DMD: variants seen among roughly 807,000 people sequenced by gnomAD.
The protein encoded by DMD is dystrophin.
In DMD, 63 loss-of-function variants were observed where a neutral mutation model predicts 330.1. The observed-to-expected ratio is 0.19, with a 90% CI of 0.16 to 0.24. DMD has a LOEUF of 0.24. Ranked by LOEUF, DMD falls within the 10% of genes least tolerant of loss-of-function variation. The pLI is 1.00. For missense variants in DMD, 3,344 were observed against 2,684.1 expected (o/e 1.25, Z -5.43); for synonymous variants, 1,223 against 959.8 (o/e 1.27, Z -5.07).
intron 44 of DMD, among the ~76,000 whole-genome samples, chrX:32,029,220 G>C (rs186869750): frequency 1.5e-3 from 167 of 111,530 alleles, no homozygotes; most frequent in African/African-American, 5.0e-3. Context: ...CCAATCTAGA[G>C]ATTTTTATAA....
At chrX:31,899,997 A>G (rs1057360416) in intron 47 of DMD, among the ~76,000 whole-genome samples, 1 of 111,347 alleles carries the variant, frequency 9.0e-6, no homozygotes, top group Admixed American at 9.6e-5. Context: ...AGATTTACTA[A>G]GTCTAAAACT....
chrX:31,446,267 C>A (rs182702219), intron 59 of DMD, among the ~76,000 whole-genome samples: 99 of 111,878 alleles, frequency 8.8e-4, no homozygotes, highest in African/African-American at 3.1e-3. Flanking sequence ...AAAAAGTGGT[C>A]ATTAAAAACA....
At chrX:31,303,550 T>G (rs776327009) in intron 62 of DMD, among the ~76,000 whole-genome samples, 2 of 111,497 alleles carry the variant, frequency 1.8e-5, no homozygotes, top group Admixed American at 9.6e-5. Flanking sequence ...ATCTTAAGGA[T>G]TTTTACCTCC....
intron 47 of DMD, 87 bp from the exon 48 acceptor site, chrX:31,875,460 T>C: frequency 1.4e-6 from 1 of 735,478 alleles, no homozygotes; most frequent in South Asian, 2.5e-5. Context: ...AAGTTATTTA[T>C]CATGAAATAT....
intron 55 of DMD, among the ~76,000 whole-genome samples, chrX:31,570,068 G>T (rs943327962): frequency 1.8e-5 from 2 of 110,933 alleles, no homozygotes; most frequent in East Asian, 2.8e-4. Flanking sequence ...TCTGTTTCAG[G>T]ATCCAATCCA....
intron 55 of DMD, among the ~76,000 whole-genome samples, chrX:31,557,640 G>A (rs1351682394): frequency 2.7e-5 from 3 of 111,925 alleles, no homozygotes; most frequent in Non-Finnish European, 3.8e-5. Flanking sequence ...CTTATTGAAT[G>A]AACCAACAAA....
chrX:31,577,065 T>C (rs1233563090), intron 55 of DMD, among the ~76,000 whole-genome samples: 1 of 112,365 alleles, frequency 8.9e-6, no homozygotes, highest in African/African-American at 3.2e-5. Flanking sequence ...GTTCCTATGC[T>C]AGAAGTCACT....
intron 1 of DMD, among the ~76,000 whole-genome samples, chrX:33,105,791 A>G (rs2095281464): frequency 8.9e-6 from 1 of 111,931 alleles, no homozygotes; most frequent in South Asian, 3.7e-4. Context: ...TGGCATGGAC[A>G]AGATAAAAAG....
chrX:32,519,367 G>C (rs1459554869), intron 17 of DMD, among the ~76,000 whole-genome samples: 1 of 109,517 alleles, frequency 9.1e-6, no homozygotes, highest in Non-Finnish European at 1.9e-5. Context: ...TTGGCAAAAG[G>C]ATACAAAATT....
chrX:31,988,761 G>A (rs185729165), intron 44 of DMD, among the ~76,000 whole-genome samples: 3,725 of 110,015 alleles, frequency 0.034, 71 homozygotes, highest in Non-Finnish European at 0.053. Context: ...TCACACTCAC[G>A]TTCTTGTGCT....
At chrX:33,124,475 T>C (rs1251768251) in intron 1 of DMD, among the ~76,000 whole-genome samples, 2 of 17,266 alleles carry the variant, frequency 1.2e-4, no homozygotes, top group Non-Finnish European at 1.7e-4. Context: ...AGACTCTGTC[T>C]GAAAAAAAAA....
intron 2 of DMD, among the ~76,000 whole-genome samples, chrX:32,944,604 T>A (rs1293172514): frequency 1.0e-5 from 1 of 98,559 alleles, no homozygotes; most frequent in African/African-American, 4.1e-5. Context: ...AGACTTTTAG[T>A]AGATTTTTTT....
At position 32,019,775 on chromosome X, in the gene DMD, GA is replaced by G. The variant is rs770989628; in HGVS notation, c.6439-51262del. 8.0e-5 allele frequency among the ~76,000 whole-genome samples: 9 copies of G among 112,143 alleles called. No individual in the cohort carries two copies. The South Asian group carries it at 2.5e-3, about 32-fold the overall frequency. On this transcript the variant is annotated intron_variant, in intron 44 of 78. Transcript: ENST00000357033. ...TCCTGACGCTGTCATTCTACTTTTT[GA>G]AAATTTTACATTCAAATAGAATATC...
chrX:33,098,234 C>A (rs753422648), intron 1 of DMD, among the ~76,000 whole-genome samples: 1 of 111,608 alleles, frequency 9.0e-6, no homozygotes, highest in African/African-American at 3.3e-5. Context: ...GCCTCAACAC[C>A]TATAATAGCT....
At chrX:32,796,912 T>C (rs1293111262) in intron 7 of DMD, among the ~76,000 whole-genome samples, 1 of 112,157 alleles carries the variant, frequency 8.9e-6, no homozygotes, top group Non-Finnish European at 1.9e-5. Flanking sequence ...ACAAAGACTT[T>C]AGTTCATCAT....
At chrX:33,304,254 T>C (rs1239931229) in intron 1 of DMD, among the ~76,000 whole-genome samples, 2 of 110,366 alleles carry the variant, frequency 1.8e-5, no homozygotes, top group Non-Finnish European at 3.8e-5. Flanking sequence ...CCCTCAGAAA[T>C]AATGCTGCAT....
chrX:32,741,043 A>G (rs1374758848), intron 7 of DMD, among the ~76,000 whole-genome samples: 2 of 111,788 alleles, frequency 1.8e-5, no homozygotes, highest in African/African-American at 3.2e-5. Context: ...ACAAGTTAGT[A>G]TATTTGGTAA....
At chrX:32,561,154 A>C (rs931039728) in intron 16 of DMD, among the ~76,000 whole-genome samples, 1 of 111,564 alleles carries the variant, frequency 9.0e-6, no homozygotes, top group Non-Finnish European at 1.9e-5. Flanking sequence ...TGCTGAGGCT[A>C]ATATGGATGA....
At chrX:33,116,681 G>C (rs1183830902) in intron 1 of DMD, among the ~76,000 whole-genome samples, 1 of 111,713 alleles carries the variant, frequency 9.0e-6, no homozygotes, top group Admixed American at 9.6e-5. Context: ...AGAAAAAAGA[G>C]GTGTTTCAAG....
Sources: gnomAD v4.1 joint callset for allele counts (sites outside exome capture counted in the v4.1 genomes callset) on GRCh38, gnomAD v4.1.1 for gene constraint, MANE v1.5 for transcripts, NCBI Gene and HGNC (gene_info 2026-07-23, HGNC 2026-07-21) for gene names.